CNBD1: variants seen among roughly 807,000 people sequenced by gnomAD.
CNBD1 encodes cyclic nucleotide-binding domain-containing protein 1.
A neutral mutation model predicts 54.4 loss-of-function variants in CNBD1; 71 were observed. That is an observed-to-expected ratio of 1.30 (90% CI 1.08 to 1.59). CNBD1 has a LOEUF of 1.59. CNBD1 is among the 40% of genes most tolerant of loss of function. The pLI, the probability that CNBD1 is intolerant of heterozygous loss-of-function variation, is 0.00. For missense variants in CNBD1, 659 were observed against 518.0 expected (o/e 1.27, Z -2.64); for synonymous variants, 182 against 170.7 (o/e 1.07, Z -0.51).
chr8:87,291,307 GTTAC>G (rs1808780261), intron 8 of CNBD1, among the ~76,000 whole-genome samples: 1 of 152,032 alleles, frequency 6.6e-6, no homozygotes, highest in South Asian at 2.1e-4. Flanking sequence ...TCCTGGAGAA[GTTAC>G]TTACCCCTCA....
At chr8:87,183,908 A>G (rs754019275) in intron 4 of CNBD1, among the ~76,000 whole-genome samples, 77 of 152,174 alleles carry the variant, frequency 5.1e-4, no homozygotes, top group Non-Finnish European at 8.5e-4. Flanking sequence ...CTGCTACACT[A>G]GAGAGCCTGG....
chr8:86,922,687 A>G (rs1809293979), intron 3 of CNBD1, among the ~76,000 whole-genome samples: 1 of 152,180 alleles, frequency 6.6e-6, no homozygotes, highest in Non-Finnish European at 1.5e-5. Flanking sequence ...GATAACTGCC[A>G]CTGAGTAATG....
intron 4 of CNBD1, among the ~76,000 whole-genome samples, chr8:87,188,817 C>A (rs900515191): frequency 9.0e-6 from 1 of 110,742 alleles, no homozygotes; most frequent in Non-Finnish European, 1.9e-5. Context: ...GACAGTAAAG[C>A]GTCTTTTTTT....
intron 6 of CNBD1, among the ~76,000 whole-genome samples, chr8:87,268,829 G>T (rs1283829967): frequency 1.3e-5 from 2 of 151,966 alleles, no homozygotes; most frequent in Non-Finnish European, 2.9e-5. Context: ...TTAGATCTTT[G>T]TCATATGCAT....
intron 5 of CNBD1, among the ~76,000 whole-genome samples, chr8:87,208,624 G>A (rs924200285): frequency 6.6e-6 from 1 of 151,928 alleles, no homozygotes; most frequent in African/African-American, 2.4e-5. Flanking sequence ...TGCCAGTTTA[G>A]TTACTAACCT....
chr8:87,370,304 C>G (rs1810750650), intron 10 of CNBD1, among the ~76,000 whole-genome samples: 1 of 152,150 alleles, frequency 6.6e-6, no homozygotes, highest in South Asian at 2.1e-4. Context: ...AATCGCCACA[C>G]TGACTTCCAT....
At position 87,200,179 on chromosome 8, in the gene CNBD1, A is replaced by G. The variant is rs911497306; in HGVS notation, c.432-5814A>G. ...AGATGAATAGGAGAGAAAAAAGAGC[A>G]GAGAATATTTAAAGCAAGAATGGCT... On this transcript the variant is annotated intron_variant, in intron 4 of 10. Coordinates refer to ENST00000518476, the MANE Select transcript of CNBD1 (RefSeq NM_173538.3). Among the ~76,000 whole-genome samples the G allele has an allele frequency of 2.6e-5, 4 of 152,220 alleles. No homozygotes were observed. The East Asian group carries it at 7.7e-4, about 29-fold the overall frequency.
At chr8:87,306,468 T>C (rs1457244749) in intron 8 of CNBD1, among the ~76,000 whole-genome samples, 4 of 152,186 alleles carry the variant, frequency 2.6e-5, no homozygotes, top group Non-Finnish European at 5.9e-5. Flanking sequence ...AGCAGCATGA[T>C]TCACAATTGC....
intron 6 of CNBD1, among the ~76,000 whole-genome samples, chr8:87,238,513 T>G (rs997772324): frequency 6.6e-6 from 1 of 152,128 alleles, no homozygotes; most frequent in Non-Finnish European, 1.5e-5. Flanking sequence ...AATGTCACTA[T>G]CTCAAATTTT....
intron 4 of CNBD1, among the ~76,000 whole-genome samples, chr8:86,966,898 C>A (rs1204223289): frequency 6.6e-6 from 1 of 152,162 alleles, no homozygotes; most frequent in African/African-American, 2.4e-5. Context: ...CCTTATTTGG[C>A]CCCACGCACA....
chr8:87,002,455 A>G (rs1809011968), intron 4 of CNBD1, among the ~76,000 whole-genome samples: 1 of 152,110 alleles, frequency 6.6e-6, no homozygotes, highest in Non-Finnish European at 1.5e-5. Flanking sequence ...TTTCCCTCCC[A>G]CATGACTTCA....
At chr8:87,077,266 G>T (rs1195607107) in intron 4 of CNBD1, among the ~76,000 whole-genome samples, 1 of 152,158 alleles carries the variant, frequency 6.6e-6, no homozygotes, top group East Asian at 1.9e-4. Flanking sequence ...CTGTTCTGGA[G>T]ATTTAAAGTC....
chr8:86,939,187 A>G (rs929978718), intron 3 of CNBD1, among the ~76,000 whole-genome samples: 17 of 152,276 alleles, frequency 1.1e-4, no homozygotes, highest in Admixed American at 5.2e-4. Context: ...ACCAGTGGTA[A>G]ATAAAAGTTA....
intron 2 of CNBD1, among the ~76,000 whole-genome samples, chr8:87,426,375 A>T (rs1386976399): frequency 6.6e-6 from 1 of 152,190 alleles, no homozygotes; most frequent in Non-Finnish European, 1.5e-5. Context: ...TATTAAATGC[A>T]ACATCATGAT....
At chr8:87,014,379 C>T (rs61127143) in intron 4 of CNBD1, among the ~76,000 whole-genome samples, 4,777 of 151,752 alleles carry the variant, frequency 0.031, 227 homozygotes, top group African/African-American at 0.11. Context: ...CAGCCCAAGA[C>T]AGAATGATCT....
chr8:87,098,394 T>C (rs954102798), intron 4 of CNBD1, among the ~76,000 whole-genome samples: 3 of 152,178 alleles, frequency 2.0e-5, no homozygotes, highest in African/African-American at 7.2e-5. Context: ...AAATTTTAGT[T>C]GAATAAACAA....
intron 4 of CNBD1, among the ~76,000 whole-genome samples, chr8:87,122,902 A>G (rs771655020): frequency 2.0e-5 from 3 of 151,800 alleles, no homozygotes; most frequent in Non-Finnish European, 4.4e-5. Flanking sequence ...TCACTGTCCT[A>G]TTTGACTGAT....
chr8:87,342,205 A>C (rs1050035076), intron 8 of CNBD1, among the ~76,000 whole-genome samples: 5 of 152,002 alleles, frequency 3.3e-5, no homozygotes, highest in African/African-American at 1.2e-4. Flanking sequence ...CCCAGGAGGC[A>C]GAGCTTGCAG....
At chr8:86,964,125 C>G (rs1034236831) in intron 4 of CNBD1, among the ~76,000 whole-genome samples, 1 of 198 alleles carries the variant, frequency 5.1e-3, no homozygotes, top group Non-Finnish European at 8.6e-3. Flanking sequence ...TGGCCTGTTT[C>G]TGTAGCTTCC....
Sources: allele counts gnomAD v4.1 joint callset (sites outside exome capture counted in the v4.1 genomes callset), GRCh38; gene constraint gnomAD v4.1.1; transcripts MANE v1.5; gene names NCBI Gene and HGNC (gene_info 2026-07-23, HGNC 2026-07-21).